RPTOR: variants seen among roughly 807,000 people sequenced by gnomAD.
The protein encoded by RPTOR is regulatory associated protein of MTOR complex 1.
Under a neutral mutation model 169.9 loss-of-function variants are expected in RPTOR, and 21 were observed. The observed-to-expected ratio is 0.12, with a 90% confidence interval of 0.09 to 0.18. The LOEUF is 0.18. RPTOR is among the 10% of genes least tolerant of loss of function. RPTOR has a pLI of 1.00. For missense variants in RPTOR, 1,133 were observed against 1,855.9 expected (o/e 0.61, Z 7.16); for synonymous variants, 732 against 753.2 (o/e 0.97, Z 0.46).
chr17:80,760,441 A>T (rs2066725185), intron 6 of RPTOR, among the ~76,000 whole-genome samples: 1 of 150,480 alleles, frequency 6.6e-6, no homozygotes, highest in Admixed American at 6.7e-5. Context: ...AGCTGGGATT[A>T]CAGGTGCCCA....
intron 3 of RPTOR, among the ~76,000 whole-genome samples, chr17:80,666,077 C>T (rs914808373): frequency 1.3e-5 from 2 of 151,944 alleles, no homozygotes; most frequent in East Asian, 1.9e-4. Context: ...AGTGACTGTC[C>T]CTCAAAGAGC....
Position 80,730,758 on chromosome 17 carries a change from T to TTTTTTTTTTGGCG in RPTOR, c.654+52_654+53insTTTTTTTTTGGCG. On this transcript the variant is annotated intron_variant, in intron 5 of 33. Transcript: ENST00000306801. This position sits in a 1 kb window ranked among gnomAD's most constrained non-coding sequence, Gnocchi z 4.2. ...GTGCTGGGTTTGGTTTTGTTTTCCCTGGGGGTGGGGTTTGGGTGGGGAGGT... is the reference window on the plus strand; with the variant it reads ...GTGCTGGGTTTGGTTTTGTTTTCCCTTTTTTTTTTGGCGGGGGGTGGGGTTTGGGTGGGGAGGT... The TTTTTTTTTTGGCG allele has an allele frequency of 2.1e-6, 1 of 467,252 alleles. No individual in the cohort carries two copies. Among genetic ancestry groups the TTTTTTTTTTGGCG allele is most frequent in the Non-Finnish European group, 3.9e-6 (1 of 254,700 alleles). The allele number at this position is 467,252 out of a possible 1,614,324, so 28.9% of individuals were successfully genotyped here. A position where few individuals can be genotyped will look rare whatever the true frequency, so the allele number is the denominator to read the frequency against.
intron 7 of RPTOR, among the ~76,000 whole-genome samples, chr17:80,800,228 C>A (rs1406358862): frequency 6.6e-6 from 1 of 152,212 alleles, no homozygotes; most frequent in Non-Finnish European, 1.5e-5. Flanking sequence ...AGAAATCCAA[C>A]CCGAGTCATA....
intron 32 of RPTOR, 93 bp downstream of exon 32, chr17:80,962,670 G>A: frequency 8.1e-7 from 1 of 1,240,158 alleles, no homozygotes; most frequent in Non-Finnish European, 1.1e-6. Flanking sequence ...CCCAGGAGCT[G>A]AAGGAGGGCA....
chr17:80,765,550 G>A (rs187708632), intron 6 of RPTOR, among the ~76,000 whole-genome samples: 23 of 152,288 alleles, frequency 1.5e-4, no homozygotes, highest in African/African-American at 4.6e-4. Flanking sequence ...TTGGACTGGC[G>A]TTAGTGCTGC....
At chr17:80,679,514 G>A (rs1396492808) in intron 3 of RPTOR, among the ~76,000 whole-genome samples, 4 of 152,068 alleles carry the variant, frequency 2.6e-5, no homozygotes, top group South Asian at 2.1e-4. Context: ...TTACAGGCCC[G>A]TTTGAATGCA....
chr17:80,551,628 G>A (rs201407779), intron 1 of RPTOR, among the ~76,000 whole-genome samples: 8,318 of 152,122 alleles, frequency 0.055, 287 homozygotes, highest in Non-Finnish European at 0.083. Context: ...TAGATGGAAC[G>A]TACAATCGGG....
chr17:80,662,740 CATT>C (rs1290715723), intron 3 of RPTOR, among the ~76,000 whole-genome samples: 1 of 152,196 alleles, frequency 6.6e-6, no homozygotes, highest in Non-Finnish European at 1.5e-5. Context: ...GGCTGGGTAT[CATT>C]AGTGACATCT....
chr17:80,904,155 C>T (rs947762017), intron 20 of RPTOR, among the ~76,000 whole-genome samples: 8 of 152,186 alleles, frequency 5.3e-5, no homozygotes, highest in Non-Finnish European at 8.8e-5. Context: ...GGAGGGAGGG[C>T]GGAGCGGCTG....
At position 80,878,759 on chromosome 17, in the gene RPTOR, T is replaced by A. The variant is rs2068150949; in HGVS notation, c.1510-1656T>A. ...CCCTTTTCCTCGGGTTTTGGGCAAA[T>A]ACTTCCCGAAGTATTATCGTTACCC... On this transcript the variant is annotated intron_variant, in intron 13 of 33. Coordinates refer to ENST00000306801, the MANE Select transcript of RPTOR (RefSeq NM_020761.3). This position sits in a 1 kb window ranked among gnomAD's most constrained non-coding sequence, Gnocchi z 4.1. Among the ~76,000 whole-genome samples the A allele has an allele frequency of 6.6e-6, 1 of 152,206 alleles. No homozygotes were observed. Among genetic ancestry groups the A allele is most frequent in the South Asian group, 2.1e-4 (1 of 4,832 alleles).
chr17:80,578,936 G>A (rs1197839357), intron 1 of RPTOR, among the ~76,000 whole-genome samples: 4 of 152,158 alleles, frequency 2.6e-5, no homozygotes, highest in South Asian at 2.1e-4. Context: ...CTCCCTGGAG[G>A]GTGCTGGACA....
At chr17:80,819,665 T>C (rs529280310) in intron 7 of RPTOR, among the ~76,000 whole-genome samples, 23 of 152,370 alleles carry the variant, frequency 1.5e-4, no homozygotes, top group African/African-American at 5.3e-4. Context: ...AAGAAGGTAG[T>C]GCCAGCGCAC....
intron 6 of RPTOR, among the ~76,000 whole-genome samples, chr17:80,767,845 ATT>A (rs10712532): frequency 4.0e-5 from 6 of 150,924 alleles, no homozygotes; most frequent in African/African-American, 1.2e-4. Flanking sequence ...TGTTACTTGA[ATT>A]TTTTTTTTAT....
intron 25 of RPTOR, among the ~76,000 whole-genome samples, chr17:80,942,626 G>A (rs889218848): frequency 3.9e-5 from 6 of 152,070 alleles, no homozygotes; most frequent in Admixed American, 6.5e-5. Flanking sequence ...CGGTGCAGGC[G>A]TTTATTTTCA....
At chr17:80,743,782 G>C (rs12939914) in intron 5 of RPTOR, among the ~76,000 whole-genome samples, 15,249 of 49,370 alleles carry the variant, frequency 0.31, 2,102 homozygotes, top group East Asian at 0.39. Context: ...GTTACTAGCA[G>C]AGCCCTGGCT....
chr17:80,872,760 T>C lies in RPTOR; in HGVS notation c.1510-7655T>C, dbSNP rs567501363. On this transcript the variant is annotated intron_variant, in intron 13 of 33. Coordinates refer to ENST00000306801, the MANE Select transcript of RPTOR (RefSeq NM_020761.3). ...ACCGAGCCCTGGCAGGGGTGACGGC[T>C]CGCCCTTTGCAAGATGGATGGGCAC... 1.1e-4 allele frequency among the ~76,000 whole-genome samples: 17 copies of C among 152,284 alleles called. No individual in the cohort carries two copies. In the Middle Eastern group the frequency reaches 0.014, roughly 122 times the overall value.
chr17:80,728,659 A>G (rs1387670972), intron 4 of RPTOR, among the ~76,000 whole-genome samples: 3 of 151,826 alleles, frequency 2.0e-5, no homozygotes, highest in Non-Finnish European at 2.9e-5. Context: ...TGTAATTACC[A>G]TAGATTTATA....
chr17:80,900,354 T>C (rs1202381753), intron 20 of RPTOR, among the ~76,000 whole-genome samples: 5 of 151,900 alleles, frequency 3.3e-5, no homozygotes, highest in Non-Finnish European at 7.4e-5. Flanking sequence ...AGATGGAGTT[T>C]TCCTCTTGTC....
At chr17:80,711,742 G>GTTTTTTTTTTT (rs1298623680) in intron 4 of RPTOR, among the ~76,000 whole-genome samples, 3 of 51,406 alleles carry the variant, frequency 5.8e-5, no homozygotes, top group African/African-American at 3.7e-4. Context: ...TTATACATCA[G>GTTTTTTTTTTT]TCTTTTTTTT....
Sources: allele counts gnomAD v4.1 joint callset (sites outside exome capture counted in the v4.1 genomes callset), GRCh38; gene constraint gnomAD v4.1.1; non-coding constraint Gnocchi (gnomAD v3.1); transcripts MANE v1.5; gene names NCBI Gene and HGNC (gene_info 2026-07-23, HGNC 2026-07-21).